SH3GL2: variants seen among roughly 807,000 people sequenced by gnomAD.
SH3GL2 encodes endophilin-A1.
SH3GL2 carries 24 observed loss-of-function variants against 46.0 expected under a neutral mutation model. That is an observed-to-expected ratio of 0.52 (90% CI 0.38 to 0.73). The LOEUF is 0.73. Ranked by LOEUF, SH3GL2 falls within the 30% of genes least tolerant of loss-of-function variation. SH3GL2 has a pLI of 0.00. For synonymous variants in SH3GL2, 196 were observed against 147.1 expected (o/e 1.33, Z -2.40); for missense variants, 413 against 424.2 (o/e 0.97, Z 0.23).
chr9:17,683,939 A>C (rs1820839011), intron 1 of SH3GL2, among the ~76,000 whole-genome samples: 1 of 152,104 alleles, frequency 6.6e-6, no homozygotes, highest in Non-Finnish European at 1.5e-5. Context: ...AACTCCCCAC[A>C]CTTAAGATTA....
At position 17,690,527 on chromosome 9, in the gene SH3GL2, C is replaced by A. The variant is rs1052238433; in HGVS notation, c.46-56539C>A. Among the ~76,000 whole-genome samples the A allele has an allele frequency of 5.9e-5, 9 of 152,110 alleles. No homozygotes were observed. In the East Asian group the frequency reaches 1.7e-3, roughly 30 times the overall value. On this transcript the variant is annotated intron_variant, in intron 1 of 8. Coordinates refer to ENST00000380607, the MANE Select transcript of SH3GL2 (RefSeq NM_003026.5). The stretch of plus-strand genomic sequence containing the variant: ...ACCTAGACATCCCATAGGATCTCGC[C>A]TCATTCTGCTCAAAAATTATGTTGA...
At chr9:17,641,485 G>T (rs1819680639) in intron 1 of SH3GL2, among the ~76,000 whole-genome samples, 1 of 152,074 alleles carries the variant, frequency 6.6e-6, no homozygotes, top group Admixed American at 6.6e-5. Flanking sequence ...TACATGTGGA[G>T]AATGTGCAGG....
chr9:17,772,894 T>G (rs1276572583), intron 3 of SH3GL2, among the ~76,000 whole-genome samples: 1 of 152,182 alleles, frequency 6.6e-6, no homozygotes, highest in Non-Finnish European at 1.5e-5. Context: ...GGGAATTCTA[T>G]TTTTTATTTC....
intron 1 of SH3GL2, among the ~76,000 whole-genome samples, chr9:17,586,144 C>G (rs553472723): frequency 1.3e-5 from 2 of 152,284 alleles, no homozygotes; most frequent in East Asian, 1.9e-4. Flanking sequence ...AATAATTTCA[C>G]TATTTATAAA....
At chr9:17,579,365 C>T (rs940406199) in intron 1 of SH3GL2, 78 bp downstream of exon 1, 10 of 1,026,120 alleles carry the variant, frequency 9.7e-6, no homozygotes, top group Middle Eastern at 4.8e-4. Context: ...GGCCGTCCGG[C>T]GGCAGCTTGG....
At chr9:17,792,076 A>G (rs1048395242) in intron 7 of SH3GL2, among the ~76,000 whole-genome samples, 4 of 152,198 alleles carry the variant, frequency 2.6e-5, no homozygotes, top group Non-Finnish European at 5.9e-5. Flanking sequence ...CACCTCAGCA[A>G]GCTTTTTTCT....
intron 2 of SH3GL2, among the ~76,000 whole-genome samples, chr9:17,750,299 T>C (rs1394458402): frequency 1.3e-5 from 2 of 152,084 alleles, no homozygotes; most frequent in Non-Finnish European, 2.9e-5. Context: ...CCTTTGCTCA[T>C]CTGTATTCTC....
At chr9:17,762,898 G>A (rs770978923) in intron 3 of SH3GL2, among the ~76,000 whole-genome samples, 7 of 152,104 alleles carry the variant, frequency 4.6e-5, no homozygotes, top group East Asian at 3.9e-4. Context: ...CTGCTTCCCC[G>A]CAAGAAATCA....
intron 1 of SH3GL2, among the ~76,000 whole-genome samples, chr9:17,658,545 C>T (rs1402375849): frequency 4.6e-5 from 7 of 152,164 alleles, no homozygotes; most frequent in African/African-American, 1.7e-4. Flanking sequence ...TATGTGCCAG[C>T]CACAGTGCTA....
chr9:17,782,080 C>T (rs1466314110), intron 3 of SH3GL2, among the ~76,000 whole-genome samples: 4 of 152,160 alleles, frequency 2.6e-5, no homozygotes, highest in African/African-American at 7.2e-5. Context: ...CTCACTTTAT[C>T]ACAGAGAAAA....
chr9:17,611,746 C>T (rs1451981742), intron 1 of SH3GL2, among the ~76,000 whole-genome samples: 1 of 152,170 alleles, frequency 6.6e-6, no homozygotes, highest in African/African-American at 2.4e-5. Context: ...TTGCTACACC[C>T]CGTCAGGAGG....
At chr9:17,582,168 G>T (rs73418611) in intron 1 of SH3GL2, among the ~76,000 whole-genome samples, 11,892 of 152,180 alleles carry the variant, frequency 0.078, 1,285 homozygotes, top group African/African-American at 0.24. Context: ...CCTTGTTGCT[G>T]ACAGTTATTT....
chr9:17,614,888 C>G (rs535049199), intron 1 of SH3GL2, among the ~76,000 whole-genome samples: 1 of 152,162 alleles, frequency 6.6e-6, no homozygotes, highest in African/African-American at 2.4e-5. Context: ...ATACAAAATC[C>G]CTTCACAGAC....
chr9:17,583,095 C>T (rs959274276), intron 1 of SH3GL2, among the ~76,000 whole-genome samples: 2 of 152,168 alleles, frequency 1.3e-5, no homozygotes, highest in Admixed American at 1.3e-4. Flanking sequence ...GGGAGGGGCA[C>T]AGTTCAATCC....
At chr9:17,738,573 T>TACATACATAC (rs1251854075) in intron 1 of SH3GL2, among the ~76,000 whole-genome samples, 4 of 47,390 alleles carry the variant, frequency 8.4e-5, no homozygotes, top group Non-Finnish European at 2.1e-4. Context: ...TACATATATA[T>TACATACATAC]ATAGAGAGAG....
intron 6 of SH3GL2, 74 bp from the exon 7 acceptor site, chr9:17,791,157 T>C: frequency 5.9e-6 from 6 of 1,021,202 alleles, no homozygotes; most frequent in Non-Finnish European, 9.3e-6. Context: ...CCCTGGTGTA[T>C]GTATGAAACA....
At chr9:17,688,727 A>G (rs1299761594) in intron 1 of SH3GL2, among the ~76,000 whole-genome samples, 1 of 152,098 alleles carries the variant, frequency 6.6e-6, no homozygotes, top group African/African-American at 2.4e-5. Flanking sequence ...AGAGCTCCTA[A>G]TGGCCAAAGA....
At chr9:17,638,202 G>C (rs1819590301) in intron 1 of SH3GL2, among the ~76,000 whole-genome samples, 1 of 151,842 alleles carries the variant, frequency 6.6e-6, no homozygotes, top group South Asian at 2.1e-4. Flanking sequence ...TCATAGCACT[G>C]ATGTTTTGCA....
chr9:17,579,607 G>A (rs1818237895), intron 1 of SH3GL2, among the ~76,000 whole-genome samples: 2 of 152,186 alleles, frequency 1.3e-5, no homozygotes, highest in Non-Finnish European at 2.9e-5. Flanking sequence ...TGCTGCCGCG[G>A]CGCGCAGGTG....
Sources: gnomAD v4.1 joint callset for allele counts (sites outside exome capture counted in the v4.1 genomes callset) on GRCh38, gnomAD v4.1.1 for gene constraint, MANE v1.5 for transcripts, NCBI Gene and HGNC (gene_info 2026-07-23, HGNC 2026-07-21) for gene names.